Variants in SIPA1L1 observed in about 807,000 individuals in gnomAD.
The protein encoded by SIPA1L1 is signal induced proliferation associated 1 like 1.
In SIPA1L1, 26 loss-of-function variants were observed where a neutral mutation model predicts 162.7. That is an observed-to-expected ratio of 0.16 (90% CI 0.12 to 0.22). The LOEUF (loss-of-function observed/expected upper bound fraction) is 0.22, where lower values mean the gene tolerates loss of function less well. Among genes scored for constraint, SIPA1L1 ranks in the 10% least tolerant of loss-of-function variants. The pLI is 1.00. For synonymous variants in SIPA1L1, 829 were observed against 837.4 expected, an observed-to-expected ratio of 0.99 and a Z score of 0.17; for missense variants, 1,874 against 2,241.0, an observed-to-expected ratio of 0.84 and a Z score of 3.31.
intron 2 of SIPA1L1, among the ~76,000 whole-genome samples, chr14:71,425,175 A>G (rs1377826225): frequency 6.6e-6 from 1 of 151,980 alleles, no homozygotes; most frequent in Non-Finnish European, 1.5e-5. Context: ...CTCAGTAAAT[A>G]TTTGTCAATT....
chr14:71,393,304 A>G (rs1268349948), intron 2 of SIPA1L1, among the ~76,000 whole-genome samples: 2 of 152,222 alleles, frequency 1.3e-5, no homozygotes, highest in Non-Finnish European at 2.9e-5. Context: ...GAAAATTTAA[A>G]ATAAGTAATT....
intron 10 of SIPA1L1, among the ~76,000 whole-genome samples, chr14:71,663,786 A>T (rs2043750391): frequency 6.6e-6 from 1 of 152,096 alleles, no homozygotes; most frequent in African/African-American, 2.4e-5. Context: ...GATACTGAAC[A>T]CCCCTGCTCA....
intron 2 of SIPA1L1, among the ~76,000 whole-genome samples, chr14:71,390,928 A>T (rs1301474395): frequency 6.6e-6 from 1 of 152,172 alleles, no homozygotes; most frequent in Non-Finnish European, 1.5e-5. Flanking sequence ...TGCTGCGGTG[A>T]CAATATATCT....
rs761864425 is a variant in SIPA1L1 at position 71,588,350 on chromosome 14, C to G, written c.478C>G (p.Pro160Ala). 1.9e-6 allele frequency: 3 copies of G among 1,613,712 alleles called. No individual in the cohort carries two copies. Among genetic ancestry groups the G allele is most frequent in the East Asian group, 2.2e-5 (1 of 44,846 alleles). ...DSRFLMPEAY[P>A]SSPRKALRRI... Reference sequence around the variant, plus strand: ...CAGATTTCTCATGCCTGAAGCCTACCCCAGCTCCCCCAGAAAAGCTCTTCG... The same window carrying G: ...CAGATTTCTCATGCCTGAAGCCTACGCCAGCTCCCCCAGAAAAGCTCTTCG... The change falls in exon 5 of 24, where the codon CCC becomes GCC. Residue 160 changes from proline to alanine, a missense_variant. Transcript: ENST00000381232. The surrounding 1 kb of genome is among the most constrained non-coding windows in gnomAD (Gnocchi z 4.3).
chr14:71,450,398 G>C (rs2045726309), intron 2 of SIPA1L1, among the ~76,000 whole-genome samples: 1 of 152,226 alleles, frequency 6.6e-6, no homozygotes, highest in African/African-American at 2.4e-5. Context: ...TAATAAACCT[G>C]TTCATTAAAC....
At chr14:71,639,391 C>A (rs1166563722) in intron 7 of SIPA1L1, among the ~76,000 whole-genome samples, 1 of 152,166 alleles carries the variant, frequency 6.6e-6, no homozygotes, top group Non-Finnish European at 1.5e-5. Context: ...GCCTGGGTGA[C>A]AGATTAAGTC....
intron 10 of SIPA1L1, among the ~76,000 whole-genome samples, chr14:71,663,135 G>C (rs574292441): frequency 6.6e-6 from 1 of 152,232 alleles, no homozygotes; most frequent in African/African-American, 2.4e-5. Context: ...TTTTTAAAAA[G>C]TGCCAAGATA....
intron 2 of SIPA1L1, among the ~76,000 whole-genome samples, chr14:71,450,383 C>A (rs1322513881): frequency 6.6e-6 from 1 of 152,110 alleles, no homozygotes; most frequent in Non-Finnish European, 1.5e-5. Flanking sequence ...GATTTAAAAT[C>A]TTTGTAATAA....
At chr14:71,581,220 G>T (rs1254576170) in intron 4 of SIPA1L1, among the ~76,000 whole-genome samples, 1 of 151,906 alleles carries the variant, frequency 6.6e-6, no homozygotes, top group Non-Finnish European at 1.5e-5. Flanking sequence ...TAAAAATAAT[G>T]GGAACTCACT....
Position 71,512,628 on chromosome 14 carries a change from G to A in SIPA1L1, c.-464-115G>A, listed in dbSNP as rs1456068577. 3.1e-5 allele frequency: 4 copies of A among 128,174 alleles called. No homozygotes were observed. In the East Asian group the frequency reaches 1.0e-3, roughly 33 times the overall value. 7.9% of individuals were successfully genotyped at this position (128,174 alleles called of 1,614,324 possible). A position where few individuals can be genotyped will look rare whatever the true frequency, so the allele number is the denominator to read the frequency against. ...AGGTTCTTTGCCATATTTTGACATG[G>A]CCCTGCAATGCCATCTTTTGTGTGT... On this transcript the variant is annotated intron_variant, in intron 2 of 23. Coordinates refer to ENST00000381232, the MANE Select transcript of SIPA1L1 (RefSeq NM_001386936.1).
At chr14:71,467,440 A>G (rs746787389) in intron 2 of SIPA1L1, among the ~76,000 whole-genome samples, 40 of 152,212 alleles carry the variant, frequency 2.6e-4, no homozygotes, top group Non-Finnish European at 4.4e-4. Context: ...GTCGTGCTTA[A>G]TGCCAAGAGC....
chr14:71,534,300 G>A (rs2053699622), intron 4 of SIPA1L1, among the ~76,000 whole-genome samples: 1 of 152,116 alleles, frequency 6.6e-6, no homozygotes, highest in Non-Finnish European at 1.5e-5. Flanking sequence ...ATATGTAAAT[G>A]GAGGGGCATG....
At chr14:71,502,612 A>T (rs1190763111) in intron 2 of SIPA1L1, among the ~76,000 whole-genome samples, 1 of 152,162 alleles carries the variant, frequency 6.6e-6, no homozygotes. Context: ...AGTATGTTAA[A>T]TATGAAAACT....
intron 5 of SIPA1L1, among the ~76,000 whole-genome samples, chr14:71,616,170 G>C (rs1335391500): frequency 1.3e-5 from 2 of 152,206 alleles, no homozygotes; most frequent in Non-Finnish European, 2.9e-5. Flanking sequence ...AACAGCCAGA[G>C]CGGTAGAAGG....
chr14:71,502,253 A>ATATATATATATATATATAT (rs1555440974), intron 2 of SIPA1L1, among the ~76,000 whole-genome samples: 19 of 89,892 alleles, frequency 2.1e-4, no homozygotes, highest in African/African-American at 6.4e-4. Context: ...AAAAAAAAAA[A>ATATATATATATATATATAT]AAATATATAT....
intron 2 of SIPA1L1, among the ~76,000 whole-genome samples, chr14:71,442,817 T>C (rs373678789): frequency 6.6e-6 from 1 of 152,140 alleles, no homozygotes; most frequent in African/African-American, 2.4e-5. Flanking sequence ...GTGCCTGTGG[T>C]CCTAGCCACT....
At chr14:71,594,800 A>G (rs1381478558) in intron 5 of SIPA1L1, among the ~76,000 whole-genome samples, 5 of 152,226 alleles carry the variant, frequency 3.3e-5, no homozygotes, top group African/African-American at 1.2e-4. Context: ...ATTCATTCGA[A>G]GGTAGCTCTC....
Position 71,671,689 on chromosome 14 carries a change from G to T in SIPA1L1, c.2826G>T (p.Leu942Phe), listed in dbSNP as rs1213366835. ...IEEIKEIVKR[L>F]QFVSKGCESV... is the part of the protein sequence containing the mutation. ...AGATCAAAGAGATTGTCAAAAGGTT[G>T]CAGGTGAGTCTCTCCTTCCTCTTCC... is the stretch of plus-strand genomic sequence containing the variant. The change falls in exon 11 of 24, where the codon TTG (leucine) becomes TTT (phenylalanine). Residue 942 changes from leucine (L) to phenylalanine (F), a missense_variant. By Grantham distance (22) the Leu-to-Phe change is conservative. Coordinates refer to ENST00000381232, the MANE Select transcript of SIPA1L1 (RefSeq NM_001386936.1). The T allele has an allele frequency of 7.6e-6, 12 of 1,588,016 alleles. No individual in the cohort carries two copies. The East Asian group carries it at 2.7e-4, about 35-fold the overall frequency.
intron 4 of SIPA1L1, among the ~76,000 whole-genome samples, chr14:71,562,490 G>T (rs533389980): frequency 1.2e-3 from 175 of 152,104 alleles, no homozygotes; most frequent in African/African-American, 4.0e-3. Context: ...CTTCATTTGT[G>T]TACATCAATA....
Sources: gnomAD v4.1 joint callset for allele counts (sites outside exome capture counted in the v4.1 genomes callset) on GRCh38, gnomAD v4.1.1 for gene constraint, Gnocchi (gnomAD v3.1) non-coding constraint, MANE v1.5 for transcripts, NCBI Gene and HGNC (gene_info 2026-07-23, HGNC 2026-07-21) for gene names.